Variants in FSTL4 observed in about 807,000 individuals in gnomAD.
FSTL4 encodes the protein follistatin-related protein 4.
A neutral mutation model predicts 78.2 loss-of-function variants in FSTL4; 28 were observed. The ratio of observed to expected loss-of-function variants is 0.36; its 90% CI spans 0.27 to 0.49. The LOEUF is 0.49. Among genes scored for constraint, FSTL4 ranks in the 20% least tolerant of loss-of-function variants. The pLI is 0.98. For synonymous variants in FSTL4, 422 were observed against 440.5 expected, an observed-to-expected ratio of 0.96 and a Z score of 0.53; for missense variants, 922 against 1,084.9, an observed-to-expected ratio of 0.85 and a Z score of 2.11.
chr5:133,287,293 C>T (rs1279989049), intron 6 of FSTL4, among the ~76,000 whole-genome samples: 3 of 150,822 alleles, frequency 2.0e-5, no homozygotes, highest in African/African-American at 7.4e-5. Context: ...GAGGCTGAGG[C>T]AGGAGAATGG....
intron 2 of FSTL4, chr5:133,583,406 G>A: frequency 3.2e-6 from 1 of 313,558 alleles, no homozygotes; most frequent in Non-Finnish European, 6.3e-6. Context: ...TCTCACTAGG[G>A]AGTGCCAGAC....
the FSTL4 span, among the ~76,000 whole-genome samples, chr5:133,810,000 A>G: frequency 2.0e-5 from 3 of 152,238 alleles, no homozygotes; most frequent in African/African-American, 7.2e-5. Flanking sequence ...TTCAATACAC[A>G]ATTACACAAA....
chr5:133,778,882 C>G, the FSTL4 span, among the ~76,000 whole-genome samples: 2 of 152,210 alleles, frequency 1.3e-5, no homozygotes, highest in Non-Finnish European at 2.9e-5. Context: ...AAGCTGGGCA[C>G]AGCCTGGCAG....
At chr5:133,509,519 A>G (rs1348027733) in intron 3 of FSTL4, among the ~76,000 whole-genome samples, 2 of 152,140 alleles carry the variant, frequency 1.3e-5, no homozygotes, top group Non-Finnish European at 2.9e-5. Context: ...GCAAGCACCA[A>G]TTTATCCCAA....
the FSTL4 span, among the ~76,000 whole-genome samples, chr5:133,821,959 A>G: frequency 0.023 from 3,432 of 152,288 alleles, 57 homozygotes; most frequent in Non-Finnish European, 0.035. Flanking sequence ...TGAGAAGGGA[A>G]GAATGAAGAC....
intron 3 of FSTL4, among the ~76,000 whole-genome samples, chr5:133,548,514 TCTC>T (rs1001914282): frequency 3.9e-5 from 6 of 152,048 alleles, no homozygotes; most frequent in African/African-American, 1.4e-4. Context: ...CAAAAAAAAA[TCTC>T]CTAACAAAGT....
At chr5:133,659,001 T>G in the FSTL4 span, among the ~76,000 whole-genome samples, 1 of 152,144 alleles carries the variant, frequency 6.6e-6, no homozygotes, top group Admixed American at 6.5e-5. Context: ...CTTTTAAACT[T>G]ATAAAGCTTT....
the FSTL4 span, among the ~76,000 whole-genome samples, chr5:133,630,564 T>A: frequency 6.6e-6 from 1 of 152,218 alleles, no homozygotes; most frequent in African/African-American, 2.4e-5. Context: ...AATGGCCATA[T>A]TGCCCAAAGT....
At chr5:133,620,544 T>C in the FSTL4 span, among the ~76,000 whole-genome samples, 97 of 152,362 alleles carry the variant, frequency 6.4e-4, 1 homozygote, top group South Asian at 0.019. Flanking sequence ...TATTTCATCA[T>C]CAGGTTCCTT....
intron 3 of FSTL4, among the ~76,000 whole-genome samples, chr5:133,539,710 T>C (rs1318824695): frequency 2.0e-5 from 3 of 152,148 alleles, no homozygotes; most frequent in Non-Finnish European, 4.4e-5. Flanking sequence ...AAGTAACCCA[T>C]GTTAAGTAGT....
chr5:133,356,309 A>C (rs1279229320), intron 4 of FSTL4, among the ~76,000 whole-genome samples: 3 of 152,152 alleles, frequency 2.0e-5, no homozygotes, highest in Admixed American at 2.0e-4. Flanking sequence ...GCGCCAAGAC[A>C]AATTTGGGCA....
At chr5:133,654,318 G>A in the FSTL4 span, among the ~76,000 whole-genome samples, 1 of 152,222 alleles carries the variant, frequency 6.6e-6, no homozygotes, top group Non-Finnish European at 1.5e-5. Context: ...AGGAAGCACA[G>A]TTGTTTTGCT....
At chr5:133,807,903 C>A in the FSTL4 span, among the ~76,000 whole-genome samples, 1 of 152,200 alleles carries the variant, frequency 6.6e-6, no homozygotes. Flanking sequence ...GATTTCCAGC[C>A]TGAATCCTCC....
chr5:133,502,129 G>C (rs1272199987), intron 3 of FSTL4, among the ~76,000 whole-genome samples: 1 of 152,184 alleles, frequency 6.6e-6, no homozygotes, highest in Non-Finnish European at 1.5e-5. Context: ...AACTGTGAGA[G>C]AATAAGTCAT....
intron 3 of FSTL4, among the ~76,000 whole-genome samples, chr5:133,508,756 A>G (rs988559121): frequency 2.0e-5 from 3 of 152,232 alleles, no homozygotes; most frequent in African/African-American, 7.2e-5. Context: ...GTGAGAAGCA[A>G]ATAGCTTTAA....
At chr5:133,737,562 A>C in the FSTL4 span, among the ~76,000 whole-genome samples, 193 of 152,024 alleles carry the variant, frequency 1.3e-3, no homozygotes, top group African/African-American at 3.9e-3. Context: ...GTGCTGCAAC[A>C]AACATAGGAG....
chr5:133,431,623 A>G (rs1233502539), intron 3 of FSTL4, among the ~76,000 whole-genome samples: 1 of 152,212 alleles, frequency 6.6e-6, no homozygotes, highest in African/African-American at 2.4e-5. Context: ...GCTGAATGCT[A>G]CTGACACTAC....
At chr5:133,431,197 A>G (rs1756930134) in intron 3 of FSTL4, among the ~76,000 whole-genome samples, 1 of 152,192 alleles carries the variant, frequency 6.6e-6, no homozygotes, top group South Asian at 2.1e-4. Context: ...TTTACCTCTC[A>G]CATCACTCCA....
At chr5:133,804,489 G>A in the FSTL4 span, among the ~76,000 whole-genome samples, 1 of 152,136 alleles carries the variant, frequency 6.6e-6, no homozygotes, top group African/African-American at 2.4e-5. Context: ...CACACACACA[G>A]GGAGTAAAAC....
Sources: gnomAD v4.1 joint callset for allele counts (sites outside exome capture counted in the v4.1 genomes callset) on GRCh38, gnomAD v4.1.1 for gene constraint, MANE v1.5 for transcripts, NCBI Gene and HGNC (gene_info 2026-07-23, HGNC 2026-07-21) for gene names.